The following MIA2 variants were observed in gnomAD, a reference collection of about 807,000 sequenced individuals.
MIA2 encodes the protein MIA SH3 domain ER export factor 2.
MIA2 carries 127 observed loss-of-function variants against 167.8 expected under a neutral mutation model. That is an observed-to-expected ratio of 0.76 (90% CI 0.66 to 0.88). The LOEUF is 0.88. MIA2 is among the 40% of genes least tolerant of loss of function. The pLI, the probability that MIA2 is intolerant of heterozygous loss-of-function variation, is 0.00. For missense variants in MIA2, 1,690 were observed against 1,624.7 expected, an observed-to-expected ratio of 1.04 and a Z score of -0.69; for synonymous variants, 552 against 541.9, an observed-to-expected ratio of 1.02 and a Z score of -0.26.
At chr14:39,297,806 C>T (rs1452511656) in intron 13 of MIA2, among the ~76,000 whole-genome samples, 1 of 151,966 alleles carries the variant, frequency 6.6e-6, no homozygotes, top group African/African-American at 2.4e-5. Context: ...TTTATACAGA[C>T]TTTTGGCCAG....
chr14:39,256,235 A>G (rs751296177), intron 6 of MIA2, among the ~76,000 whole-genome samples: 2 of 152,166 alleles, frequency 1.3e-5, no homozygotes, highest in South Asian at 2.1e-4. Flanking sequence ...TAAGTTCATA[A>G]TCTTCAGGCT....
chr14:39,288,461 A>ATTTTTTTTTTT (rs1225086664), intron 9 of MIA2, among the ~76,000 whole-genome samples: 5 of 19,890 alleles, frequency 2.5e-4, no homozygotes, highest in African/African-American at 5.3e-4. Context: ...ATATATATAT[A>ATTTTTTTTTTT]TATATATATA....
chr14:39,320,828 C>T, intron 23 of MIA2, 100 bp from the exon 24 acceptor site: 1 of 1,282,694 alleles, frequency 7.8e-7, no homozygotes. Context: ...CTTAAATTGG[C>T]AATAGGATGA....
chr14:39,238,250 G>A (rs1225758730), intron 2 of MIA2, among the ~76,000 whole-genome samples: 1 of 150,914 alleles, frequency 6.6e-6, no homozygotes, highest in East Asian at 2.0e-4. Flanking sequence ...TCAGCTCACT[G>A]CAACCTCTAC....
At chr14:39,315,817 C>A in intron 21 of MIA2, 99 bp downstream of exon 21, 1 of 784,948 alleles carries the variant, frequency 1.3e-6, no homozygotes, top group Non-Finnish European at 2.0e-6. Flanking sequence ...ATATAGTATT[C>A]TAAAAAATCA....
intron 24 of MIA2, 63 bp downstream of exon 24, chr14:39,321,119 C>T: frequency 6.7e-7 from 1 of 1,483,872 alleles, no homozygotes; most frequent in East Asian, 2.3e-5. Context: ...TTCATCTCAA[C>T]TTACCTTAAA....
intron 3 of MIA2, among the ~76,000 whole-genome samples, chr14:39,246,497 T>C (rs576666614): frequency 5.3e-5 from 8 of 152,262 alleles, no homozygotes; most frequent in Non-Finnish European, 5.9e-5. Flanking sequence ...GCAGGATGAA[T>C]GCTTGAGGCC....
intron 3 of MIA2, among the ~76,000 whole-genome samples, chr14:39,242,779 A>G (rs1478715144): frequency 6.6e-6 from 1 of 152,082 alleles, no homozygotes. Flanking sequence ...GCATCCAAGA[A>G]GTTTGCTGGG....
rs1036571652 is a variant in MIA2, at chr14:39,308,512, A to G, written c.2942A>G (p.Asn981Ser). The G allele has an allele frequency of 3.0e-5, 48 of 1,579,904 alleles. No individual in the cohort carries two copies. The highest frequency in any genetic ancestry group is 4.1e-5 in the Non-Finnish European group (47 of 1,159,608). Reference protein sequence around the residue: ...SLQSENTHFENENQKLQQKLK... With the variant: ...SLQSENTHFESENQKLQQKLK... ...CAGTCAGAAAACACACATTTTGAAA[A>G]TGAGAATCAGAAGCTTCAACAGAAA... Residue 981 changes from asparagine (N) to serine (S), a missense_variant, in exon 18 of 29, where the codon AAT becomes AGT. Physicochemically the swap from Asn to Ser is conservative, Grantham distance 46 (BLOSUM62 1). Transcript: ENST00000640607.
At chr14:39,262,978 C>T (rs544906776) in intron 6 of MIA2, among the ~76,000 whole-genome samples, 6 of 152,016 alleles carry the variant, frequency 3.9e-5, no homozygotes, top group Non-Finnish European at 7.4e-5. Flanking sequence ...CAATTTGACT[C>T]CCTCTTTTCC....
rs151155773 is a variant in MIA2, at chr14:39,341,816, T to C, written c.3656-4088T>C. On this transcript the variant is annotated intron_variant, in intron 25 of 28. Transcript: ENST00000640607. ...AGCAGTCAATACTATATTTTTAATATAGTTTATAATCATAACAAGCTTAAT... is the reference window on the plus strand; with the variant it reads ...AGCAGTCAATACTATATTTTTAATACAGTTTATAATCATAACAAGCTTAAT... Among the ~76,000 whole-genome samples the C allele has an allele frequency of 5.6e-4, 85 of 152,300 alleles. No individual in the cohort carries two copies. The East Asian group carries it at 0.015, about 28-fold the overall frequency.
In MIA2 at chr14:39,350,377, T is replaced by C. The variant is rs1039116463; in HGVS notation, c.*113T>C. ...CTCAAATTGAAGCTTAATGGAATTA[T>C]AATTCTCAGGATAGTATTTTGTAAA... On this transcript the variant is annotated 3_prime_UTR_variant, in exon 29 of 29. Transcript: ENST00000640607. 1.9e-6 allele frequency: 1 copy of C among 526,302 alleles called. No homozygotes were observed. The highest frequency in any genetic ancestry group is 4.1e-5 in the South Asian group (1 of 24,572). The allele number at this position is 526,302 out of a possible 1,614,324, so 32.6% of individuals were successfully genotyped here.
intron 9 of MIA2, among the ~76,000 whole-genome samples, chr14:39,288,466 T>G (rs2060201603): frequency 5.3e-5 from 2 of 37,746 alleles, no homozygotes; most frequent in Admixed American, 2.9e-4. Flanking sequence ...TATATATATA[T>G]ATATATATAT....
rs558556803 is a variant in MIA2, at chr14:39,270,513, G to T, written c.1888-6421G>T. On this transcript the variant is annotated intron_variant, in intron 6 of 28. Transcript: ENST00000640607. ...CCCACCCGGCTTTACTCTGTTTTTTGTTGTTGTTGTTGTTTGTTTGTTTTG... is the reference window on the plus strand; with the variant it reads ...CCCACCCGGCTTTACTCTGTTTTTTTTTGTTGTTGTTGTTTGTTTGTTTTG... Among the ~76,000 whole-genome samples the T allele has an allele frequency of 1.3e-4, 20 of 151,718 alleles. No homozygotes were observed. In the East Asian group the frequency reaches 1.4e-3, roughly 10 times the overall value.
In MIA2 at chr14:39,379,793, G is replaced by A. The variant is rs550834373; in HGVS notation, c.2249-7092G>A. Among the ~76,000 whole-genome samples, 23 of 152,214 alleles carry A rather than the reference G, an allele frequency of 1.5e-4. No individual in the cohort carries two copies. In the South Asian group the frequency reaches 4.8e-3, roughly 32 times the overall value. The stretch of plus-strand genomic sequence containing the variant: ...TTGATCCTGGGAGGCAGAGGTTGAA[G>A]TAAGCCAAGTCACACCACTGCATTC... On this transcript the variant is annotated intron_variant, in intron 23 of 23. Transcript: ENST00000341502.
chr14:39,357,500 TC>T (rs145105523), intron 23 of MIA2, among the ~76,000 whole-genome samples: 44,587 of 152,102 alleles, frequency 0.29, 6,857 homozygotes, highest in East Asian at 0.5. Context: ...TCTTGACTCT[TC>T]ATTCAGTTTG....
intron 17 of MIA2, among the ~76,000 whole-genome samples, chr14:39,307,516 C>T (rs2063550613): frequency 6.7e-6 from 1 of 148,932 alleles, no homozygotes; most frequent in African/African-American, 2.5e-5. Flanking sequence ...ATTCTCCTTC[C>T]TCAGCCTCCC....
intron 23 of MIA2, among the ~76,000 whole-genome samples, chr14:39,373,484 C>T (rs1479697675): frequency 6.6e-6 from 1 of 152,084 alleles, no homozygotes; most frequent in Non-Finnish European, 1.5e-5. Context: ...CATTATGAAA[C>T]AGGCTGAGGT....
intron 1 of MIA2, 131 bp downstream of exon 1, chr14:39,234,360 C>T: frequency 1.9e-6 from 1 of 517,180 alleles, no homozygotes; most frequent in Non-Finnish European, 3.3e-6. Flanking sequence ...TGAAGTACAG[C>T]TTGGTATAAA....
Sources: gnomAD v4.1 joint callset for allele counts (sites outside exome capture counted in the v4.1 genomes callset) on GRCh38, gnomAD v4.1.1 for gene constraint, MANE v1.5 for transcripts, NCBI Gene and HGNC (gene_info 2026-07-23, HGNC 2026-07-21) for gene names.